The following CCDC88C variants were observed in gnomAD, a reference collection of about 807,000 sequenced individuals.
The protein encoded by CCDC88C is protein Daple.
In CCDC88C, 131 loss-of-function variants were observed where a neutral mutation model predicts 198.8. The ratio of observed to expected loss-of-function variants is 0.66; its 90% CI spans 0.57 to 0.76. The LOEUF (loss-of-function observed/expected upper bound fraction) is 0.76. Among genes scored for constraint, CCDC88C ranks in the 30% least tolerant of loss-of-function variants. CCDC88C has a pLI of 0.00. For synonymous variants in CCDC88C, 1,166 were observed against 1,114.7 expected (o/e 1.05, Z -0.92); for missense variants, 2,553 against 2,631.6 (o/e 0.97, Z 0.65).
intron 2 of CCDC88C, among the ~76,000 whole-genome samples, chr14:91,410,281 G>C (rs984805051): frequency 6.6e-6 from 1 of 152,136 alleles, no homozygotes; most frequent in African/African-American, 2.4e-5. Context: ...CACCGCAAAG[G>C]ATGGCTAATT....
intron 3 of CCDC88C, among the ~76,000 whole-genome samples, chr14:91,404,578 G>T (rs1056298648): frequency 3.3e-5 from 5 of 152,260 alleles, no homozygotes; most frequent in African/African-American, 1.2e-4. Flanking sequence ...TGCAGATCTG[G>T]GGACCATCCT....
intron 3 of CCDC88C, among the ~76,000 whole-genome samples, chr14:91,382,306 T>C (rs1884854445): frequency 1.3e-5 from 2 of 152,160 alleles, no homozygotes; most frequent in African/African-American, 4.8e-5. Context: ...CAACTCAAGA[T>C]TAAACCTATC....
At chr14:91,277,690 A>G (rs956263536) in intron 29 of CCDC88C, among the ~76,000 whole-genome samples, 4 of 152,216 alleles carry the variant, frequency 2.6e-5, no homozygotes, top group Admixed American at 1.3e-4. Flanking sequence ...GCGGGCCACA[A>G]GCTCTGCCAG....
rs1890199075 is a variant in CCDC88C, at chr14:91,281,526, C to G, written c.4631-1G>C. 3.1e-6 allele frequency: 5 copies of G among 1,613,656 alleles called. No individual in the cohort carries two copies. In the African/African-American group the frequency reaches 5.3e-5, roughly 17 times the overall value. ...CAGAGGTTGTCATCTGAGTTATAGC[C>G]TAAGGTGAAAATAAGGCTAGTGAGT... On this transcript the variant is annotated splice_acceptor_variant, in intron 26 of 29. Transcript: ENST00000389857. LOFTEE classifies it high-confidence loss of function.
intron 3 of CCDC88C, among the ~76,000 whole-genome samples, chr14:91,387,339 G>A (rs1019939528): frequency 4.6e-5 from 7 of 152,122 alleles, no homozygotes; most frequent in African/African-American, 7.2e-5. Flanking sequence ...GCCAACGTCC[G>A]GGCCATGGAG....
chr14:91,370,573 G>T (rs1894745939), intron 3 of CCDC88C, among the ~76,000 whole-genome samples: 1 of 152,220 alleles, frequency 6.6e-6, no homozygotes, highest in African/African-American at 2.4e-5. Context: ...ACACGGGCAG[G>T]ACACGGCATT....
At position 91,284,972 on chromosome 14, in the gene CCDC88C, G is replaced by A. The variant is rs113442788; in HGVS notation, c.4442-1455C>T. Reference sequence around the variant, plus strand: ...GGCCGGCTGGCATTTTCCCTTGCTCGAGGCATGATTTGTGTGCTGATGTTC... The same window carrying A: ...GGCCGGCTGGCATTTTCCCTTGCTCAAGGCATGATTTGTGTGCTGATGTTC... On this transcript the variant is annotated intron_variant, in intron 25 of 29. Transcript: ENST00000389857. The surrounding 1 kb of genome is among the most constrained non-coding windows in gnomAD (Gnocchi z 4.1). Among the ~76,000 whole-genome samples the A allele has an allele frequency of 8.2e-3, 1,250 of 152,200 alleles. 21 individuals are homozygous for A. Among genetic ancestry groups the A allele is most frequent in the African/African-American group, 0.028 (1,176 of 41,512 alleles).
At position 91,296,399 on chromosome 14, in the gene CCDC88C, T is replaced by C. The variant is rs114533426; in HGVS notation, c.3966+906A>G. On this transcript the variant is annotated intron_variant, in intron 22 of 29. Coordinates refer to ENST00000389857, the MANE Select transcript of CCDC88C (RefSeq NM_001080414.4). ...TCAGCGTGACCTTTTCCACGGGGCC[T>C]GCGCTGCAGCCCCTGACCTGAAACC... is the stretch of plus-strand genomic sequence containing the variant. 4.2e-3 allele frequency among the ~76,000 whole-genome samples: 642 copies of C among 152,376 alleles called. 4 individuals are homozygous for C. The highest frequency in any genetic ancestry group is 0.015 in the African/African-American group (615 of 41,592).
At chr14:91,299,350 C>T (rs1009716455) in intron 21 of CCDC88C, among the ~76,000 whole-genome samples, 6 of 152,204 alleles carry the variant, frequency 3.9e-5, no homozygotes, top group African/African-American at 1.4e-4. Flanking sequence ...TTCCCGAAAG[C>T]ACAAAATATG....
intron 3 of CCDC88C, among the ~76,000 whole-genome samples, chr14:91,394,981 C>G (rs998769179): frequency 2.6e-5 from 4 of 152,170 alleles, no homozygotes; most frequent in African/African-American, 9.7e-5. Context: ...CCCCTCCCAC[C>G]CACGTGTCCC....
intron 2 of CCDC88C, among the ~76,000 whole-genome samples, chr14:91,410,325 T>C (rs1285837): frequency 0.88 from 133,756 of 152,236 alleles, 59,080 homozygotes; most frequent in East Asian, 0.98. Context: ...TTTCTTCTGT[T>C]ATCCAGACCC....
rs1567055908 is a variant in CCDC88C at position 91,293,565 on chromosome 14, ACGGCCCACC to A, written c.4112+599_4112+607del. Among the ~76,000 whole-genome samples the A allele has an allele frequency of 1.7e-4, 15 of 85,720 alleles. 1 individual carries two copies. The highest frequency in any genetic ancestry group is 1.9e-4 in the African/African-American group (4 of 20,698). The allele number at this position is 85,720 out of a possible 152,430, so 56.2% of individuals were successfully genotyped here. A position where few individuals can be genotyped will look rare whatever the true frequency, so the allele number is the denominator to read the frequency against. Reference sequence around the variant, plus strand: ...CCACCTTCCTGTCCCCTCGCCTGCCACGGCCCACCTTCCTGTCCCCTCGCCTGCCATGGC... The same window carrying A: ...CCACCTTCCTGTCCCCTCGCCTGCCATTCCTGTCCCCTCGCCTGCCATGGC... On this transcript the variant is annotated intron_variant, in intron 23 of 29. Transcript: ENST00000389857.
intron 10 of CCDC88C, among the ~76,000 whole-genome samples, chr14:91,326,568 A>G (rs570337929): frequency 1.4e-3 from 215 of 152,312 alleles, no homozygotes; most frequent in South Asian, 8.3e-3. Context: ...CTATAAGAAA[A>G]AAAAATCCAT....
At position 91,305,875 on chromosome 14, in the gene CCDC88C, G is replaced by A; in HGVS notation, c.3247C>T (p.Leu1083=). The A allele has an allele frequency of 6.2e-7, 1 of 1,613,962 alleles. No homozygotes were observed. Among genetic ancestry groups the A allele is most frequent in the Non-Finnish European group, 8.5e-7 (1 of 1,179,890 alleles). Residue 1083 remains leucine (L), a synonymous_variant, in exon 19 of 30, where the codon CTG becomes TTG. Coordinates refer to ENST00000389857, the MANE Select transcript of CCDC88C (RefSeq NM_001080414.4). ...KQLLKEQLQH[L]ETQNVTFSSQ... is the part of the protein sequence containing the mutation. Reference sequence around the variant, plus strand: ...CTGAAGGTCACGTTCTGGGTCTCCAGGTGCTGCAGCTGTTCCTTTAGCAGC... The same window carrying A: ...CTGAAGGTCACGTTCTGGGTCTCCAAGTGCTGCAGCTGTTCCTTTAGCAGC...
chr14:91,326,678 G>A (rs1892598985), intron 10 of CCDC88C, among the ~76,000 whole-genome samples: 1 of 152,250 alleles, frequency 6.6e-6, no homozygotes, highest in African/African-American at 2.4e-5. Context: ...CAAGGAAGGA[G>A]TGGGGTTGAG....
In CCDC88C at chr14:91,271,447, C is replaced by A. The variant is rs1889730683; in HGVS notation, c.*1178G>T. 6.6e-6 allele frequency: 1 copy of A among 151,502 alleles called. No individual in the cohort carries two copies. Among genetic ancestry groups the A allele is most frequent in the African/African-American group, 2.4e-5 (1 of 41,134 alleles). The allele number at this position is 151,502 out of a possible 1,614,324, so 9.4% of individuals were successfully genotyped here. A position where few individuals can be genotyped will look rare whatever the true frequency, so the allele number is the denominator to read the frequency against. ...ACATTCAAAAGTCTCCCATTTCTTT[C>A]TCAGTATATTAAATCAAAAGGAAAA... On this transcript the variant is annotated 3_prime_UTR_variant, in exon 30 of 30. Transcript: ENST00000389857.
Position 91,414,627 on chromosome 14 carries a change from G to A in CCDC88C, c.161+2111C>T, listed in dbSNP as rs1306787616. Among the ~76,000 whole-genome samples, 3 of 152,130 alleles carry A rather than the reference G, an allele frequency of 2.0e-5. No homozygotes were observed. In the East Asian group the frequency reaches 5.8e-4, roughly 29 times the overall value. ...CTATCACCTGGAACTGGGTGATTCT[G>A]ATGACCCATGCAGGAAACCATGCCC... On this transcript the variant is annotated intron_variant, in intron 2 of 29. Transcript: ENST00000389857.
At chr14:91,287,460 A>G (rs796505667) in intron 25 of CCDC88C, among the ~76,000 whole-genome samples, 1 of 152,052 alleles carries the variant, frequency 6.6e-6, no homozygotes, top group East Asian at 1.9e-4. Context: ...AAGTCGACTG[A>G]GCAGCTGAGA....
chr14:91,417,261 T>C, intron 1 of CCDC88C: 4 of 696,826 alleles, frequency 5.7e-6, no homozygotes, highest in Non-Finnish European at 1.0e-5. Context: ...ATGAGATATT[T>C]GGTTGGGAAG....
Sources: gnomAD v4.1 joint callset for allele counts (sites outside exome capture counted in the v4.1 genomes callset) on GRCh38, gnomAD v4.1.1 for gene constraint, Gnocchi (gnomAD v3.1) non-coding constraint, MANE v1.5 for transcripts, NCBI Gene and HGNC (gene_info 2026-07-23, HGNC 2026-07-21) for gene names.